Variants in DLGAP2 observed in about 807,000 individuals in gnomAD.
The protein encoded by DLGAP2 is DLG associated protein 2, also known as disks large-associated protein 2.
A neutral mutation model predicts 100.3 loss-of-function variants in DLGAP2; 26 were observed. The ratio of observed to expected loss-of-function variants is 0.26; its 90% CI spans 0.19 to 0.36. The LOEUF (loss-of-function observed/expected upper bound fraction) is 0.36. DLGAP2 is among the 10% of genes least tolerant of loss of function. The pLI is 1.00. For missense variants in DLGAP2, 1,858 were observed against 1,453.2 expected, an observed-to-expected ratio of 1.28 and a Z score of -4.53; for synonymous variants, 886 against 630.1, an observed-to-expected ratio of 1.41 and a Z score of -6.08.
chr8:1,483,035 G>C (rs1799140443), intron 3 of DLGAP2, among the ~76,000 whole-genome samples: 1 of 152,200 alleles, frequency 6.6e-6, no homozygotes, highest in Non-Finnish European at 1.5e-5. Context: ...CCTTGGAGCT[G>C]GCTTGAGTGA....
At chr8:852,151 A>G (rs905902495) in intron 1 of DLGAP2, among the ~76,000 whole-genome samples, 4 of 124,066 alleles carry the variant, frequency 3.2e-5, no homozygotes, top group African/African-American at 1.2e-4. Context: ...ATTGGAAGCT[A>G]AAAAAAAAAC....
intron 1 of DLGAP2, among the ~76,000 whole-genome samples, chr8:820,375 T>C (rs564608333): frequency 6.6e-6 from 1 of 152,286 alleles, no homozygotes; most frequent in Non-Finnish European, 1.5e-5. Context: ...CCTTCTAAAC[T>C]GTTGAAAGAT....
At chr8:1,607,693 C>T (rs919623156) in intron 6 of DLGAP2, among the ~76,000 whole-genome samples, 810 of 152,130 alleles carry the variant, frequency 5.3e-3, no homozygotes, top group Non-Finnish European at 8.2e-3. Context: ...GCACCGGGCG[C>T]GAGCCGAAGC....
intron 2 of DLGAP2, among the ~76,000 whole-genome samples, chr8:974,896 A>G (rs1200033641): frequency 6.6e-6 from 1 of 152,206 alleles, no homozygotes; most frequent in East Asian, 1.9e-4. Flanking sequence ...ACTATGAATG[A>G]GAAAAGAAAT....
intron 2 of DLGAP2, among the ~76,000 whole-genome samples, chr8:1,173,660 T>C (rs574235260): frequency 2.6e-5 from 4 of 152,302 alleles, no homozygotes; most frequent in South Asian, 4.1e-4. Context: ...CAGCAAGACG[T>C]TATGGGCGTA....
At chr8:1,079,499 C>T (rs903443088) in intron 2 of DLGAP2, among the ~76,000 whole-genome samples, 9 of 152,134 alleles carry the variant, frequency 5.9e-5, no homozygotes, top group Non-Finnish European at 1.0e-4. Context: ...CAGATGGTAT[C>T]TTAAGAGCTC....
At chr8:1,575,927 T>C (rs530132344) in intron 6 of DLGAP2, among the ~76,000 whole-genome samples, 53 of 152,250 alleles carry the variant, frequency 3.5e-4, no homozygotes, top group African/African-American at 1.2e-3. Flanking sequence ...GTAATAAACA[T>C]ACATGTGCAT....
At chr8:963,053 G>A (rs939930023) in intron 2 of DLGAP2, among the ~76,000 whole-genome samples, 2 of 152,196 alleles carry the variant, frequency 1.3e-5, no homozygotes, top group African/African-American at 4.8e-5. Context: ...ATCCGGGACT[G>A]TGTGGGCTTC....
At chr8:1,363,325 G>T (rs551549155) in intron 3 of DLGAP2, among the ~76,000 whole-genome samples, 1 of 152,186 alleles carries the variant, frequency 6.6e-6, no homozygotes, top group African/African-American at 2.4e-5. Context: ...CACGCCCGTG[G>T]CATGCTTGCG....
chr8:1,220,455 G>A (rs972858717), intron 2 of DLGAP2, among the ~76,000 whole-genome samples: 2 of 150,368 alleles, frequency 1.3e-5, no homozygotes, highest in African/African-American at 4.9e-5. Context: ...TTATTGTGCT[G>A]TGGTCCAAGA....
chr8:1,448,745 C>G (rs898370831), intron 3 of DLGAP2, among the ~76,000 whole-genome samples: 9 of 152,274 alleles, frequency 5.9e-5, no homozygotes, highest in African/African-American at 2.2e-4. Context: ...CTTGGAGACC[C>G]AACATTTTTG....
At chr8:1,135,050 T>A (rs557754344) in intron 2 of DLGAP2, among the ~76,000 whole-genome samples, 1 of 152,338 alleles carries the variant, frequency 6.6e-6, no homozygotes, top group Non-Finnish European at 1.5e-5. Context: ...TATTCTTTAT[T>A]TTCTATTTCC....
chr8:1,340,903 TA>T lies in DLGAP2; in HGVS notation c.106+82026del, dbSNP rs933708631. Among the ~76,000 whole-genome samples the T allele has an allele frequency of 4.6e-5, 7 of 152,120 alleles. 1 individual carries two copies. The highest frequency in any genetic ancestry group is 1.4e-4 in the African/African-American group (6 of 41,422). On this transcript the variant is annotated intron_variant, in intron 3 of 14. Coordinates refer to ENST00000637795, the MANE Select transcript of DLGAP2 (RefSeq NM_001346810.2). ...TACACCATGGAATACTATGCAGACATAAAAAAGAATGAAATCATGTCTTTTG... is the reference window on the plus strand; with the variant it reads ...TACACCATGGAATACTATGCAGACATAAAAAGAATGAAATCATGTCTTTTG...
At chr8:1,139,865 C>T (rs772350941) in intron 2 of DLGAP2, among the ~76,000 whole-genome samples, 21 of 152,000 alleles carry the variant, frequency 1.4e-4, no homozygotes, top group Non-Finnish European at 2.6e-4. Context: ...GGTTCTATTA[C>T]TGGCTGCAGT....
chr8:1,316,428 C>A (rs1219753643), intron 3 of DLGAP2, among the ~76,000 whole-genome samples: 5 of 130,526 alleles, frequency 3.8e-5, no homozygotes, highest in South Asian at 2.5e-4. Flanking sequence ...TGCAGCGTCT[C>A]TCCAACAGTG....
At chr8:1,692,859 T>C (rs1369117450) in intron 13 of DLGAP2, among the ~76,000 whole-genome samples, 1 of 150,064 alleles carries the variant, frequency 6.7e-6, no homozygotes, top group African/African-American at 2.4e-5. Flanking sequence ...TATACTTACA[T>C]ATATACATGT....
intron 3 of DLGAP2, among the ~76,000 whole-genome samples, chr8:1,334,022 G>C (rs541992416): frequency 2.0e-5 from 3 of 152,354 alleles, no homozygotes; most frequent in African/African-American, 7.2e-5. Context: ...AGGCTTCCTT[G>C]CGTGAGGAAG....
At chr8:1,665,705 C>G (rs1443205587) in intron 8 of DLGAP2, among the ~76,000 whole-genome samples, 1 of 152,240 alleles carries the variant, frequency 6.6e-6, no homozygotes, top group East Asian at 1.9e-4. Flanking sequence ...ATTGAGAGCC[C>G]CCGTCCGCAG....
chr8:1,441,135 G>T (rs1043931077), intron 3 of DLGAP2, among the ~76,000 whole-genome samples: 1 of 152,118 alleles, frequency 6.6e-6, no homozygotes, highest in South Asian at 2.1e-4. Context: ...TTTTGAGGAA[G>T]TATTATCTAA....
Sources: allele counts gnomAD v4.1 joint callset (sites outside exome capture counted in the v4.1 genomes callset), GRCh38; gene constraint gnomAD v4.1.1; transcripts MANE v1.5; gene names NCBI Gene and HGNC (gene_info 2026-07-23, HGNC 2026-07-21).